DLC1: variants seen among roughly 807,000 people sequenced by gnomAD.
DLC1 encodes rho GTPase-activating protein 7.
Under a neutral mutation model 140.3 loss-of-function variants are expected in DLC1, and 54 were observed. The ratio of observed to expected loss-of-function variants is 0.38; its 90% CI spans 0.31 to 0.48. DLC1 has a LOEUF of 0.48. Among genes scored for constraint, DLC1 ranks in the 20% least tolerant of loss-of-function variants. DLC1 has a pLI of 0.96. For missense variants in DLC1, 2,536 were observed against 1,907.0 expected (o/e 1.33, Z -6.14); for synonymous variants, 986 against 728.1 (o/e 1.35, Z -5.70).
chr8:13,468,333 C>CCCT (rs1800039492), intron 2 of DLC1, among the ~76,000 whole-genome samples: 2 of 97,304 alleles, frequency 2.1e-5, no homozygotes, highest in South Asian at 4.1e-4. Context: ...CTTTCCCTTC[C>CCCT]CCCCATTCCC....
intron 2 of DLC1, among the ~76,000 whole-genome samples, chr8:13,447,414 A>C (rs935687150): frequency 2.0e-5 from 3 of 152,212 alleles, no homozygotes; most frequent in Admixed American, 2.0e-4. Context: ...GTTCAGGCAA[A>C]TATGTGGCTG....
chr8:13,546,144 G>T (rs1248908771), intron 1 of DLC1, among the ~76,000 whole-genome samples: 1 of 151,954 alleles, frequency 6.6e-6, no homozygotes, highest in Non-Finnish European at 1.5e-5. Context: ...TAGGGCTCAT[G>T]GTCAGTTTGC....
chr8:13,136,294 T>C (rs1227025005), intron 5 of DLC1, among the ~76,000 whole-genome samples: 2 of 152,186 alleles, frequency 1.3e-5, no homozygotes, highest in East Asian at 1.9e-4. Flanking sequence ...GTACTAATCA[T>C]AGTACCTAAC....
intron 5 of DLC1, among the ~76,000 whole-genome samples, chr8:13,178,488 C>T (rs1347433801): frequency 6.7e-6 from 1 of 150,052 alleles, no homozygotes; most frequent in Non-Finnish European, 1.5e-5. Flanking sequence ...AGGAGAATGG[C>T]GTGAACCCGG....
chr8:13,516,515 A>G (rs1443343900), upstream of DLC1, among the ~76,000 whole-genome samples: 3 of 152,164 alleles, frequency 2.0e-5, no homozygotes, highest in Non-Finnish European at 2.9e-5. Context: ...TCTCAAAGTT[A>G]ATGCAAATCA....
intron 5 of DLC1, among the ~76,000 whole-genome samples, chr8:13,259,161 A>G (rs1166910327): frequency 3.4e-5 from 5 of 148,756 alleles, no homozygotes; most frequent in African/African-American, 1.2e-4. Flanking sequence ...AAAAAAAAAG[A>G]GAAAATCAAA....
chr8:13,193,164 C>G (rs146548980), intron 5 of DLC1, among the ~76,000 whole-genome samples: 2 of 152,286 alleles, frequency 1.3e-5, no homozygotes, highest in African/African-American at 2.4e-5. Context: ...TATTGACTGT[C>G]ACTCATTTGG....
intron 5 of DLC1, among the ~76,000 whole-genome samples, chr8:13,120,356 A>AAAAAAAAAAAAT: frequency 1.6e-5 from 1 of 61,124 alleles, no homozygotes; most frequent in African/African-American, 4.2e-5. Context: ...AAAAAAAAAA[A>AAAAAAAAAAAAT]ATATATATAT....
In DLC1 at chr8:13,393,587, G is replaced by A; in HGVS notation, c.1280C>T (p.Pro427Leu). Residue 427 changes from proline (P) to leucine (L), a missense_variant, in exon 4 of 18, where the codon CCA (proline) becomes CTA (leucine). Pro to Leu is a moderately conservative substitution (Grantham distance 98, BLOSUM62 -3). Transcript: ENST00000276297. ...TESTDLPSSTPVANSGTKPKT... is the reference protein window; with the variant it reads ...TESTDLPSSTLVANSGTKPKT... ...GGGTTTGGTTCCAGAATTGGCTACT[G>A]GAGTGGAAGATGGGAGGTCCGTGGA... is the stretch of plus-strand genomic sequence containing the variant. 1 of 1,614,088 alleles carries A rather than the reference G, an allele frequency of 6.2e-7. No homozygotes were observed. The highest frequency in any genetic ancestry group is 2.2e-5 in the East Asian group (1 of 44,864).
Position 13,100,249 on chromosome 8 carries a change from C to T in DLC1, c.2088G>A (p.Gly696=), listed in dbSNP as rs369639962. The T allele has an allele frequency of 2.5e-6, 4 of 1,614,022 alleles. No individual in the cohort carries two copies. The highest frequency in any genetic ancestry group is 2.2e-5 in the South Asian group (2 of 91,092). ...APSKLGLIIS[G]PILQEGMDEE... Reference sequence around the variant, plus strand: ...CATCCATCCCCTCTTGCAAGATGGGCCCGCTGATGATCAACCCCAGCTTTG... The same window carrying T: ...CATCCATCCCCTCTTGCAAGATGGGTCCGCTGATGATCAACCCCAGCTTTG... Residue 696 remains glycine (G), a synonymous_variant, in exon 9 of 18, where the codon GGG becomes GGA. Transcript: ENST00000276297.
intron 4 of DLC1, among the ~76,000 whole-genome samples, chr8:13,378,897 T>C (rs1318133665): frequency 6.6e-6 from 1 of 152,190 alleles, no homozygotes; most frequent in Non-Finnish European, 1.5e-5. Context: ...TGGGTTATGT[T>C]GTTTACTTGG....
chr8:13,420,733 A>T (rs1225330194), intron 2 of DLC1, among the ~76,000 whole-genome samples: 3 of 152,074 alleles, frequency 2.0e-5, no homozygotes, highest in Non-Finnish European at 4.4e-5. Context: ...AATCACATGA[A>T]CACGTTCTTT....
chr8:13,538,147 G>A (rs1359821766), intron 1 of DLC1, among the ~76,000 whole-genome samples: 2 of 152,048 alleles, frequency 1.3e-5, no homozygotes, highest in African/African-American at 4.8e-5. Context: ...AGGTTCTGTG[G>A]AGAAATAGGC....
intron 5 of DLC1, among the ~76,000 whole-genome samples, chr8:13,231,684 G>T (rs948693424): frequency 1.3e-5 from 2 of 152,188 alleles, no homozygotes; most frequent in Non-Finnish European, 2.9e-5. Flanking sequence ...CCATTTAACA[G>T]ATGAGGAGAC....
chr8:13,376,282 T>C (rs370396595), intron 4 of DLC1, among the ~76,000 whole-genome samples: 1 of 152,126 alleles, frequency 6.6e-6, no homozygotes. Flanking sequence ...CTTTGAATAA[T>C]GGGAAAAACA....
intron 5 of DLC1, among the ~76,000 whole-genome samples, chr8:13,226,520 C>T (rs1244877149): frequency 6.6e-6 from 1 of 152,182 alleles, no homozygotes; most frequent in Non-Finnish European, 1.5e-5. Context: ...TTTACAGGGA[C>T]AGGCTCAAAA....
chr8:13,571,679 G>A (rs979116988), intron 1 of DLC1, among the ~76,000 whole-genome samples: 1 of 152,162 alleles, frequency 6.6e-6, no homozygotes, highest in African/African-American at 2.4e-5. Flanking sequence ...TGGCATACAA[G>A]TATCTGTTTG....
intron 1 of DLC1, among the ~76,000 whole-genome samples, chr8:13,543,229 C>G (rs1047070288): frequency 5.3e-5 from 8 of 152,012 alleles, no homozygotes; most frequent in Non-Finnish European, 1.2e-4. Context: ...AGTAGGAAAT[C>G]TTTTTTTGTA....
At chr8:13,231,129 A>G (rs889313752) in intron 5 of DLC1, among the ~76,000 whole-genome samples, 5 of 152,128 alleles carry the variant, frequency 3.3e-5, no homozygotes, top group Non-Finnish European at 7.3e-5. Flanking sequence ...GGAGTTGCAT[A>G]CATTACAAAT....
Sources: allele counts gnomAD v4.1 joint callset (sites outside exome capture counted in the v4.1 genomes callset), GRCh38; gene constraint gnomAD v4.1.1; transcripts MANE v1.5; gene names NCBI Gene and HGNC (gene_info 2026-07-23, HGNC 2026-07-21).